The following TPST1 variants were observed in gnomAD, a reference collection of about 807,000 sequenced individuals.
TPST1 encodes protein-tyrosine sulfotransferase 1.
In TPST1, 20 loss-of-function variants were observed where a neutral mutation model predicts 34.8. The ratio of observed to expected loss-of-function variants is 0.57; its 90% CI spans 0.40 to 0.84. The LOEUF (loss-of-function observed/expected upper bound fraction) is 0.84, where lower values mean the gene tolerates loss of function less well. TPST1 is among the 40% of genes least tolerant of loss of function. The pLI, the probability that TPST1 is intolerant of heterozygous loss-of-function variation, is 0.00. For synonymous variants in TPST1, 152 were observed against 159.4 expected, an observed-to-expected ratio of 0.95 and a Z score of 0.35; for missense variants, 353 against 455.5, an observed-to-expected ratio of 0.78 and a Z score of 2.05.
intron 3 of TPST1, among the ~76,000 whole-genome samples, chr7:66,313,948 C>A (rs1289870867): frequency 2.0e-5 from 3 of 152,114 alleles, no homozygotes; most frequent in African/African-American, 7.2e-5. Context: ...GTAACAGTTT[C>A]TCAGATGCTC....
intron 1 of TPST1, among the ~76,000 whole-genome samples, chr7:66,238,458 A>G (rs1789957896): frequency 6.8e-6 from 1 of 147,988 alleles, no homozygotes; most frequent in South Asian, 2.1e-4. Flanking sequence ...CCACTCAGTC[A>G]GTACTGAAAC....
At chr7:66,235,832 C>T (rs1283349230) in intron 1 of TPST1, among the ~76,000 whole-genome samples, 2 of 152,028 alleles carry the variant, frequency 1.3e-5, no homozygotes, top group Admixed American at 6.6e-5. Flanking sequence ...TGGGACAGCT[C>T]GAAGCAAAGG....
intron 3 of TPST1, among the ~76,000 whole-genome samples, chr7:66,339,846 A>G (rs1444955155): frequency 6.6e-6 from 1 of 151,798 alleles, no homozygotes; most frequent in African/African-American, 2.4e-5. Context: ...AAAAAAAAAA[A>G]AAAAAAATCA....
intron 1 of TPST1, among the ~76,000 whole-genome samples, chr7:66,227,740 T>TC (rs1436678931): frequency 6.6e-6 from 1 of 151,750 alleles, no homozygotes; most frequent in South Asian, 2.1e-4. Flanking sequence ...TTTTTTTTTT[T>TC]TTCTCAGATT....
chr7:66,330,740 G>C (rs1235579714), intron 3 of TPST1, among the ~76,000 whole-genome samples: 1 of 152,024 alleles, frequency 6.6e-6, no homozygotes, highest in Admixed American at 6.6e-5. Context: ...TCTCCTGAAA[G>C]GCCTTAAAGT....
At chr7:66,263,517 A>G (rs1790529660) in intron 2 of TPST1, among the ~76,000 whole-genome samples, 1 of 152,164 alleles carries the variant, frequency 6.6e-6, no homozygotes, top group Non-Finnish European at 1.5e-5. Context: ...TTCTTCAAGC[A>G]AGCTACCGGT....
intron 1 of TPST1, among the ~76,000 whole-genome samples, chr7:66,214,349 C>T (rs1789341660): frequency 1.3e-5 from 2 of 149,948 alleles, no homozygotes; most frequent in Admixed American, 1.3e-4. Context: ...ATACTATTAC[C>T]CTATATTAAC....
intron 1 of TPST1, among the ~76,000 whole-genome samples, chr7:66,225,593 C>CAGAG (rs35956167): frequency 0.64 from 97,446 of 151,536 alleles, 31,754 homozygotes; most frequent in African/African-American, 0.74. Flanking sequence ...GCCTGGGTGA[C>CAGAG]AGAGACTCAG....
chr7:66,352,578 C>A (rs769527687), intron 4 of TPST1, 23 bp downstream of exon 4: 3 of 1,610,840 alleles, frequency 1.9e-6, no homozygotes, highest in Non-Finnish European at 2.5e-6. Context: ...CTTTTTCCTC[C>A]TGATGTATAC....
chr7:66,250,080 T>G (rs1325377402), intron 2 of TPST1, among the ~76,000 whole-genome samples: 1 of 152,240 alleles, frequency 6.6e-6, no homozygotes, highest in Non-Finnish European at 1.5e-5. Context: ...CATTTTCTTA[T>G]CTATAAAACA....
chr7:66,348,996 T>C (rs553455655), intron 3 of TPST1, among the ~76,000 whole-genome samples: 7 of 152,306 alleles, frequency 4.6e-5, no homozygotes, highest in East Asian at 1.9e-4. Flanking sequence ...AAGGTACTTA[T>C]AGTGTTGAAT....
At chr7:66,319,564 T>G (rs1205774914) in intron 3 of TPST1, among the ~76,000 whole-genome samples, 2 of 152,248 alleles carry the variant, frequency 1.3e-5, no homozygotes, top group East Asian at 1.9e-4. Context: ...TTTTTGTTAT[T>G]GAATCAAAGT....
At chr7:66,233,556 C>A (rs1165358609) in intron 1 of TPST1, among the ~76,000 whole-genome samples, 1 of 152,128 alleles carries the variant, frequency 6.6e-6, no homozygotes, top group Non-Finnish European at 1.5e-5. Context: ...ATTTATGTGT[C>A]CATTTTTATG....
intron 3 of TPST1, among the ~76,000 whole-genome samples, chr7:66,325,458 A>T (rs984083880): frequency 2.6e-5 from 4 of 151,804 alleles, no homozygotes; most frequent in South Asian, 2.1e-4. Context: ...AGAGAATACT[A>T]TACAATGGTT....
Position 66,241,074 on chromosome 7 carries a change from C to G in TPST1, c.649C>G (p.Arg217Gly). 1 of 1,614,168 alleles carries G rather than the reference C, an allele frequency of 6.2e-7. No homozygotes were observed. Among genetic ancestry groups the G allele is most frequent in the Non-Finnish European group, 8.5e-7 (1 of 1,180,044 alleles). Residue 217 changes from arginine (R) to glycine (G), a missense_variant, in exon 2 of 6, where the codon CGT becomes GGT. Physicochemically the swap from Arg to Gly is moderately radical, Grantham distance 125. Coordinates refer to ENST00000304842, the MANE Select transcript of TPST1 (RefSeq NM_003596.4). ...SYRDCLTKWNRAIETMYNQCM... is the reference protein window; with the variant it reads ...SYRDCLTKWNGAIETMYNQCM... ...TAGGGACTGTTTGACAAAGTGGAAT[C>G]GTGCTATAGAGACCATGTATAACCA...
At chr7:66,237,661 T>C (rs919181441) in intron 1 of TPST1, among the ~76,000 whole-genome samples, 6 of 152,016 alleles carry the variant, frequency 3.9e-5, no homozygotes, top group Non-Finnish European at 7.4e-5. Flanking sequence ...TGCTAGTGGG[T>C]TGGAAGGGAT....
chr7:66,240,215 TC>T, intron 1 of TPST1, 109 bp from the exon 2 acceptor site: 1 of 636,562 alleles, frequency 1.6e-6, no homozygotes, highest in South Asian at 2.1e-5. Flanking sequence ...TATCAAAGAA[TC>T]CAAGACTGTT....
intron 2 of TPST1, among the ~76,000 whole-genome samples, chr7:66,280,587 C>T (rs529168293): frequency 6.6e-6 from 1 of 152,296 alleles, no homozygotes; most frequent in African/African-American, 2.4e-5. Flanking sequence ...TTGACTTCCA[C>T]TCTTCCTGGA....
intron 3 of TPST1, among the ~76,000 whole-genome samples, chr7:66,327,446 G>A (rs1315516486): frequency 6.6e-6 from 1 of 152,138 alleles, no homozygotes; most frequent in Non-Finnish European, 1.5e-5. Flanking sequence ...TGTACAGCTG[G>A]GTGCAGTGGT....
Sources: allele counts gnomAD v4.1 joint callset (sites outside exome capture counted in the v4.1 genomes callset), GRCh38; gene constraint gnomAD v4.1.1; transcripts MANE v1.5; gene names NCBI Gene and HGNC (gene_info 2026-07-23, HGNC 2026-07-21).